GBF1: variants seen among roughly 807,000 people sequenced by gnomAD.
GBF1 encodes the protein golgi brefeldin A resistant guanine nucleotide exchange factor 1, also known as Golgi-specific brefeldin A-resistance guanine nucleotide exchange factor 1.
Under a neutral mutation model 210.5 loss-of-function variants are expected in GBF1, and 114 were observed. That is an observed-to-expected ratio of 0.54 (90% confidence interval 0.47 to 0.63). The LOEUF (loss-of-function observed/expected upper bound fraction) is 0.63, where lower values mean the gene tolerates loss of function less well. GBF1 is among the 30% of genes least tolerant of loss of function. The pLI is 0.00. For synonymous variants in GBF1, 850 were observed against 889.2 expected (o/e 0.96, Z 0.78); for missense variants, 1,851 against 2,357.7 (o/e 0.79, Z 4.45).
chr10:102,326,996 T>C (rs1180367430), intron 3 of GBF1, among the ~76,000 whole-genome samples: 1 of 152,200 alleles, frequency 6.6e-6, no homozygotes, highest in Non-Finnish European at 1.5e-5. Flanking sequence ...CTCCTTAAGA[T>C]TAAGATGTTC....
Position 102,369,375 on chromosome 10 carries a change from G to A in GBF1, c.3138G>A (p.Lys1046=), listed in dbSNP as rs1197575352. 1 of 1,612,214 alleles carries A rather than the reference G, an allele frequency of 6.2e-7. No homozygotes were observed. The highest frequency in any genetic ancestry group is 2.2e-5 in the East Asian group (1 of 44,840). ...TCTTCCGAGCCCAACTACTGCCCAA[G>A]GCTATGATAGAGGTAATTCTTAGTA... ...LQLFRAQLLP[K]AMIEVEDFVD... The change falls in exon 24 of 40, where the codon AAG becomes AAA. Residue 1046 remains lysine (K), a synonymous_variant. Transcript: ENST00000369983.
chr10:102,359,584 C>T (rs2059478973), intron 11 of GBF1, 149 bp downstream of exon 11: 3 of 627,516 alleles, frequency 4.8e-6, no homozygotes, highest in East Asian at 5.6e-5. Flanking sequence ...GGAGTCAAGC[C>T]ATAGACTGTT....
the GBF1 span, chr10:102,231,173 C>T: frequency 7.2e-7 from 1 of 1,393,368 alleles, no homozygotes; most frequent in Non-Finnish European, 9.4e-7. Context: ...GCCACCCCGA[C>T]GGGGCTTCCA....
intron 1 of GBF1, among the ~76,000 whole-genome samples, chr10:102,247,009 G>A (rs757632919): frequency 6.6e-6 from 1 of 152,182 alleles, no homozygotes; most frequent in African/African-American, 2.4e-5. Flanking sequence ...TTGGTATGTA[G>A]TGGGCACTCA....
intron 3 of GBF1, among the ~76,000 whole-genome samples, chr10:102,312,128 C>T (rs1465904598): frequency 1.5e-4 from 23 of 152,050 alleles, no homozygotes. Context: ...CCTGTCTCTA[C>T]TAAAAATACA....
chr10:102,292,184 C>T (rs750397158), intron 3 of GBF1, among the ~76,000 whole-genome samples: 1 of 151,590 alleles, frequency 6.6e-6, no homozygotes, highest in African/African-American at 2.4e-5. Flanking sequence ...CCACCATGCC[C>T]GGCCCCTAGA....
At chr10:102,361,156 AAAAT>A in intron 13 of GBF1, 36 bp downstream of exon 13, 1 of 1,082,470 alleles carries the variant, frequency 9.2e-7, no homozygotes, top group Non-Finnish European at 1.4e-6. Flanking sequence ...AGGGGGAAAA[AAAAT>A]AGGGAGATAT....
chr10:102,316,918 C>CCTA (rs1420122209), intron 3 of GBF1, among the ~76,000 whole-genome samples: 1 of 152,096 alleles, frequency 6.6e-6, no homozygotes, highest in Non-Finnish European at 1.5e-5. Context: ...TTTCAGTAAT[C>CCTA]CTATAAATGC....
At position 102,358,493 on chromosome 10, in the gene GBF1, CT is replaced by C. The variant is rs771031741; in HGVS notation, c.788-9del. 1 of 1,591,438 alleles carries C rather than the reference CT, an allele frequency of 6.3e-7. No individual in the cohort carries two copies. The highest frequency in any genetic ancestry group is 1.7e-5 in the Admixed American group (1 of 59,936). On this transcript the variant is annotated splice_polypyrimidine_tract_variant and intron_variant, in intron 9 of 39. Coordinates refer to ENST00000369983, the MANE Select transcript of GBF1 (RefSeq NM_001377137.1). ...TTTCTTCTCCTTCAAGCGTCACATACTTTTCTTGGCAGGTGGCATGCCCTTC... is the reference window on the plus strand; with the variant it reads ...TTTCTTCTCCTTCAAGCGTCACATACTTTCTTGGCAGGTGGCATGCCCTTC...
At chr10:102,271,538 T>C (rs968481295) in intron 3 of GBF1, among the ~76,000 whole-genome samples, 15 of 150,576 alleles carry the variant, frequency 1.0e-4, no homozygotes, top group Non-Finnish European at 1.9e-4. Flanking sequence ...TTCTTTTGCA[T>C]TGGCTTTTTG....
chr10:102,366,964 G>T lies in GBF1; in HGVS notation c.2434-121G>T, dbSNP rs769419469. The T allele has an allele frequency of 7.4e-5, 80 of 1,081,346 alleles. No individual in the cohort carries two copies. Among genetic ancestry groups the T allele is most frequent in the Non-Finnish European group, 1.0e-4 (77 of 736,984 alleles). The allele number at this position is 1,081,346 out of a possible 1,614,324, so 67.0% of individuals were successfully genotyped here. On this transcript the variant is annotated intron_variant, in intron 19 of 39. Coordinates refer to ENST00000369983, the MANE Select transcript of GBF1 (RefSeq NM_001377137.1). The surrounding 1 kb of genome is among the most constrained non-coding windows in gnomAD (Gnocchi z 4.0). ...TCAGCTTCTGTTAAGGAGTTGGCAA[G>T]AGACTGGCCACTTTCTGGATGGTAC...
In GBF1 at chr10:102,360,203, T is replaced by C. The variant is rs2059513344; in HGVS notation, c.1200T>C (p.Tyr400=). 6 of 1,613,244 alleles carry C rather than the reference T, an allele frequency of 3.7e-6. No individual in the cohort carries two copies. Among genetic ancestry groups the C allele is most frequent in the Non-Finnish European group, 2.5e-6 (3 of 1,179,260 alleles). Residue 400 remains tyrosine (Y), a synonymous_variant, in exon 12 of 40, where the codon TAT becomes TAC. Coordinates refer to ENST00000369983, the MANE Select transcript of GBF1 (RefSeq NM_001377137.1). ...CCCCAGGCACAGCTTTGGTCCCCTA[T>C]GGTCTTCCCTGCATCCGCGAGCTCT... ...SQKEGTALVP[Y]GLPCIRELFR...
the GBF1 span, chr10:102,231,819 G>C: frequency 1.9e-6 from 3 of 1,592,418 alleles, no homozygotes; most frequent in Non-Finnish European, 2.6e-6. Flanking sequence ...GCAGGTCACA[G>C]AGCGCCCAAG....
At position 102,368,210 on chromosome 10, in the gene GBF1, C is replaced by T; in HGVS notation, c.2643-8C>T. On this transcript the variant is annotated splice_polypyrimidine_tract_variant and splice_region_variant and intron_variant, in intron 21 of 39. Transcript: ENST00000369983. ...AGTGCAACTGCTCCTTCCCTTACCTCCTGACAGGAATGAGGAAATTGTAAT... is the reference window on the plus strand; with the variant it reads ...AGTGCAACTGCTCCTTCCCTTACCTTCTGACAGGAATGAGGAAATTGTAAT... 2 of 1,589,824 alleles carry T rather than the reference C, an allele frequency of 1.3e-6. No individual in the cohort carries two copies. Among genetic ancestry groups the T allele is most frequent in the Non-Finnish European group, 1.7e-6 (2 of 1,158,280 alleles).
chr10:102,365,711 G>A, intron 18 of GBF1, 112 bp downstream of exon 18: 2 of 889,980 alleles, frequency 2.2e-6, no homozygotes, highest in South Asian at 2.8e-5. Flanking sequence ...AGGAGTTCAA[G>A]ACCAGCCTGG....
At chr10:102,232,884 T>C in the GBF1 span, among the ~76,000 whole-genome samples, 1 of 152,216 alleles carries the variant, frequency 6.6e-6, no homozygotes, top group Non-Finnish European at 1.5e-5. Context: ...CCAGACCTGA[T>C]ATTTCTCCCT....
chr10:102,326,320 A>C (rs527600560), intron 3 of GBF1, among the ~76,000 whole-genome samples: 1 of 152,336 alleles, frequency 6.6e-6, no homozygotes, highest in Admixed American at 6.5e-5. Context: ...CAATGAGAAT[A>C]TTATAAGCTA....
At position 102,323,388 on chromosome 10, in the gene GBF1, C is replaced by T. The variant is rs77895475; in HGVS notation, c.164-20663C>T. Among the ~76,000 whole-genome samples the T allele has an allele frequency of 6.0e-3, 914 of 152,152 alleles. 4 individuals are homozygous for T. The highest frequency in any genetic ancestry group is 0.019 in the African/African-American group (797 of 41,532). ...TCAAGGGGAGCAGACACAAGCTGTA[C>T]CTCTTGATTGGAGGAGGAACATGTG... On this transcript the variant is annotated intron_variant, in intron 3 of 39. Coordinates refer to ENST00000369983, the MANE Select transcript of GBF1 (RefSeq NM_001377137.1).
chr10:102,315,330 C>T, intron 3 of GBF1, among the ~76,000 whole-genome samples: 1 of 152,188 alleles, frequency 6.6e-6, no homozygotes, highest in Non-Finnish European at 1.5e-5. Flanking sequence ...AGCTCTGCCT[C>T]CTGTCAGTTA....
Sources: allele counts gnomAD v4.1 joint callset (sites outside exome capture counted in the v4.1 genomes callset), GRCh38; gene constraint gnomAD v4.1.1; non-coding constraint Gnocchi (gnomAD v3.1); transcripts MANE v1.5; gene names NCBI Gene and HGNC (gene_info 2026-07-23, HGNC 2026-07-21).